Variants in LARP4B observed in about 807,000 individuals in gnomAD.
LARP4B encodes La ribonucleoprotein 4B.
In LARP4B, 12 loss-of-function variants were observed where a neutral mutation model predicts 89.8. The observed-to-expected ratio is 0.13, with a 90% CI of 0.09 to 0.22. The LOEUF is 0.22. LARP4B is among the 10% of genes least tolerant of loss of function. The pLI is 1.00. For synonymous variants in LARP4B, 367 were observed against 363.3 expected, an observed-to-expected ratio of 1.01 and a Z score of -0.12; for missense variants, 757 against 947.7, an observed-to-expected ratio of 0.80 and a Z score of 2.64.
At chr10:842,151 C>G (rs990908817) in intron 7 of LARP4B, among the ~76,000 whole-genome samples, 1 of 152,090 alleles carries the variant, frequency 6.6e-6, no homozygotes, top group Admixed American at 6.6e-5. Context: ...TGCTTAAACA[C>G]TGTTTGATGT....
intron 1 of LARP4B, among the ~76,000 whole-genome samples, chr10:888,225 C>T (rs1350203466): frequency 6.6e-6 from 1 of 151,854 alleles, no homozygotes; most frequent in Non-Finnish European, 1.5e-5. Flanking sequence ...GAGGCTGAGA[C>T]ACTAGAATTG....
the LARP4B span, among the ~76,000 whole-genome samples, chr10:942,945 C>CTT: frequency 6.5e-3 from 861 of 132,870 alleles, 8 homozygotes; most frequent in Non-Finnish European, 9.8e-3. Flanking sequence ...AAGCTGACTT[C>CTT]TTTTTTTTTT....
chr10:881,615 A>T (rs1453091723), intron 3 of LARP4B, among the ~76,000 whole-genome samples: 4 of 152,230 alleles, frequency 2.6e-5, no homozygotes, highest in Non-Finnish European at 5.9e-5. Flanking sequence ...AACTTAATGC[A>T]AAGTACTGTA....
chr10:829,627 A>G, intron 10 of LARP4B, 33 bp from the exon 11 acceptor site: 1 of 1,609,888 alleles, frequency 6.2e-7, no homozygotes, highest in East Asian at 2.2e-5. Flanking sequence ...CTATTAGAAT[A>G]CTTAAGAACA....
At chr10:831,036 CA>C (rs1373352574) in intron 8 of LARP4B, 59 bp from the exon 9 acceptor site, 9 of 714,522 alleles carry the variant, frequency 1.3e-5, no homozygotes, top group South Asian at 3.5e-5. Context: ...TTGTCCTCAC[CA>C]AAAATTTTTT....
At chr10:816,973 C>T (rs984189583) in intron 15 of LARP4B, among the ~76,000 whole-genome samples, 8 of 152,270 alleles carry the variant, frequency 5.3e-5, no homozygotes, top group South Asian at 2.1e-4. Flanking sequence ...GGAACAGACA[C>T]GTGGTAACTC....
At chr10:830,790 A>C in intron 9 of LARP4B, 77 bp downstream of exon 9, 1 of 691,988 alleles carries the variant, frequency 1.4e-6, no homozygotes. Context: ...TCAATGCCCA[A>C]GTTTAGTCCC....
chr10:840,458 A>C (rs1564397513), intron 7 of LARP4B, among the ~76,000 whole-genome samples: 1 of 152,192 alleles, frequency 6.6e-6, no homozygotes, highest in Non-Finnish European at 1.5e-5. Flanking sequence ...CAAATTTGGA[A>C]ATACGCTTTT....
chr10:906,574 CCTT>C (rs34901093), intron 1 of LARP4B, among the ~76,000 whole-genome samples: 22,309 of 152,140 alleles, frequency 0.15, 1,762 homozygotes, highest in Non-Finnish European at 0.17. Flanking sequence ...GAGTCTACCT[CCTT>C]GTCTCCTTGA....
chr10:914,562 C>T (rs1836766261), intron 1 of LARP4B, among the ~76,000 whole-genome samples: 1 of 151,042 alleles, frequency 6.6e-6, no homozygotes, highest in Admixed American at 6.6e-5. Context: ...TTTGGGAGGC[C>T]AAGGTGGGTG....
chr10:901,735 T>G (rs1011346657), intron 1 of LARP4B, among the ~76,000 whole-genome samples: 36 of 152,206 alleles, frequency 2.4e-4, no homozygotes, highest in Non-Finnish European at 8.8e-5. Context: ...GGAGTATTCC[T>G]AAGGAGATGT....
rs1831701469 is a variant in LARP4B at position 810,418 on chromosome 10, G to A, written c.*2508C>T. ...TTCTTGATGCAGAAGACTGCTGCTGGCTAGGCAGTAACTACAGTGTATTGA... is the reference window on the plus strand; with the variant it reads ...TTCTTGATGCAGAAGACTGCTGCTGACTAGGCAGTAACTACAGTGTATTGA... On this transcript the variant is annotated 3_prime_UTR_variant, in exon 18 of 18. Transcript: ENST00000316157. 1 of 152,212 alleles carries A rather than the reference G, an allele frequency of 6.6e-6. No individual in the cohort carries two copies. Among genetic ancestry groups the A allele is most frequent in the South Asian group, 2.1e-4 (1 of 4,834 alleles). The allele number at this position is 152,212 out of a possible 1,614,324, so 9.4% of individuals were successfully genotyped here.
At chr10:874,150 C>T (rs577070680) in intron 3 of LARP4B, among the ~76,000 whole-genome samples, 1 of 152,306 alleles carries the variant, frequency 6.6e-6, no homozygotes, top group South Asian at 2.1e-4. Context: ...AGGAGAATCA[C>T]TTGAACCCAG....
chr10:934,799 C>T (rs1213164070), upstream of LARP4B, among the ~76,000 whole-genome samples: 1 of 152,186 alleles, frequency 6.6e-6, no homozygotes, highest in East Asian at 1.9e-4. Context: ...TCTGTCAATC[C>T]TACCTAAAAA....
chr10:909,945 T>C (rs112821019), intron 1 of LARP4B, among the ~76,000 whole-genome samples: 39 of 152,220 alleles, frequency 2.6e-4, no homozygotes, highest in Middle Eastern at 3.4e-3. Flanking sequence ...CCTACTTCAA[T>C]AGACAATGTG....
At chr10:943,813 G>A in the LARP4B span, among the ~76,000 whole-genome samples, 2 of 152,012 alleles carry the variant, frequency 1.3e-5, no homozygotes, top group African/African-American at 4.8e-5. Flanking sequence ...GGCATTTCCG[G>A]GGTAATTGTG....
the LARP4B span, among the ~76,000 whole-genome samples, chr10:960,789 A>G: frequency 6.6e-6 from 1 of 151,578 alleles, no homozygotes; most frequent in African/African-American, 2.4e-5. Context: ...TTATGTAATT[A>G]ACACGGTTAA....
chr10:930,791 G>A (rs1268708209), intron 1 of LARP4B, among the ~76,000 whole-genome samples: 2 of 152,166 alleles, frequency 1.3e-5, no homozygotes, highest in Non-Finnish European at 2.9e-5. Context: ...CCGAGCAACA[G>A]GATCCCAACT....
At chr10:969,852 C>T in the LARP4B span, among the ~76,000 whole-genome samples, 1 of 152,222 alleles carries the variant, frequency 6.6e-6, no homozygotes, top group South Asian at 2.1e-4. Context: ...GAGGACCTCA[C>T]ATGCAGCTGA....
Sources: allele counts gnomAD v4.1 joint callset (sites outside exome capture counted in the v4.1 genomes callset), GRCh38; gene constraint gnomAD v4.1.1; transcripts MANE v1.5; gene names NCBI Gene and HGNC (gene_info 2026-07-23, HGNC 2026-07-21).